The following STAG1 variants were observed in gnomAD, a reference collection of about 807,000 sequenced individuals.
STAG1 encodes the protein cohesin subunit SA-1.
In STAG1, 26 loss-of-function variants were observed where a neutral mutation model predicts 170.9. That is an observed-to-expected ratio of 0.15 (90% confidence interval 0.11 to 0.21). STAG1 has a LOEUF of 0.21. Ranked by LOEUF, STAG1 falls within the 10% of genes least tolerant of loss-of-function variation. The pLI is 1.00. For missense variants in STAG1, 964 were observed against 1,509.5 expected, an observed-to-expected ratio of 0.64 and a Z score of 5.99; for synonymous variants, 514 against 497.7, an observed-to-expected ratio of 1.03 and a Z score of -0.44.
chr3:136,461,410 T>C (rs1481552122), intron 13 of STAG1, among the ~76,000 whole-genome samples: 1 of 152,130 alleles, frequency 6.6e-6, no homozygotes, highest in African/African-American at 2.4e-5. Context: ...GGCATAATCT[T>C]ATATTTAGAA....
intron 1 of STAG1, among the ~76,000 whole-genome samples, chr3:136,703,762 C>A (rs1576786838): frequency 6.6e-6 from 1 of 152,158 alleles, no homozygotes; most frequent in Non-Finnish European, 1.5e-5. Flanking sequence ...GGAATCCCAG[C>A]ACTTTGGGAG....
intron 5 of STAG1, among the ~76,000 whole-genome samples, chr3:136,549,586 C>T (rs1936302205): frequency 6.6e-6 from 1 of 152,096 alleles, no homozygotes; most frequent in Admixed American, 6.6e-5. Flanking sequence ...CAGGCATGAG[C>T]CACCATGCCC....
intron 2 of STAG1, among the ~76,000 whole-genome samples, chr3:136,624,988 A>T (rs1361232357): frequency 2.6e-5 from 4 of 152,170 alleles, no homozygotes; most frequent in Non-Finnish European, 5.9e-5. Flanking sequence ...AAGCTTATAT[A>T]AGTTAACTTT....
chr3:136,552,413 T>C (rs1034331541), intron 5 of STAG1, among the ~76,000 whole-genome samples: 4 of 152,226 alleles, frequency 2.6e-5, no homozygotes, highest in Non-Finnish European at 4.4e-5. Flanking sequence ...ATATTATTTA[T>C]ACAAATCCTT....
In STAG1 at chr3:136,695,686, A is replaced by T. The variant is rs184740199; in HGVS notation, c.-84+56509T>A. Among the ~76,000 whole-genome samples, 49 of 152,292 alleles carry T rather than the reference A, an allele frequency of 3.2e-4. No individual in the cohort carries two copies. In the East Asian group the frequency reaches 9.4e-3, roughly 29 times the overall value. Reference sequence around the variant, plus strand: ...AACAGGAGGGTGAAAGTCCCCATACACAGGAAGGGGAAAATCCCTCATAAA... The same window carrying T: ...AACAGGAGGGTGAAAGTCCCCATACTCAGGAAGGGGAAAATCCCTCATAAA... On this transcript the variant is annotated intron_variant, in intron 1 of 33. Coordinates refer to ENST00000383202, the MANE Select transcript of STAG1 (RefSeq NM_005862.3).
intron 19 of STAG1, among the ~76,000 whole-genome samples, chr3:136,421,978 T>C (rs1194267380): frequency 2.0e-5 from 3 of 151,808 alleles, no homozygotes; most frequent in Non-Finnish European, 2.9e-5. Context: ...TGAAAACCCA[T>C]TTCTACTAAA....
intron 1 of STAG1, among the ~76,000 whole-genome samples, chr3:136,689,199 G>T (rs1942634824): frequency 6.6e-6 from 1 of 152,162 alleles, no homozygotes; most frequent in African/African-American, 2.4e-5. Context: ...CACCTGATAA[G>T]AAAACATACA....
At chr3:136,355,397 G>A (rs975436943) in intron 28 of STAG1, among the ~76,000 whole-genome samples, 24 of 87,688 alleles carry the variant, frequency 2.7e-4, no homozygotes, top group African/African-American at 8.4e-4. Context: ...CACCTAACAA[G>A]AGAGCCCCAA....
chr3:136,395,088 C>T lies in STAG1; in HGVS notation c.2277+3661G>A, dbSNP rs146937634. On this transcript the variant is annotated intron_variant, in intron 22 of 33. Coordinates refer to ENST00000383202, the MANE Select transcript of STAG1 (RefSeq NM_005862.3). ...GACAGTGGGCAACCAGGGTGAGACC[C>T]TGTCTCAAAAATAAAACAAAACAAA... Among the ~76,000 whole-genome samples the T allele has an allele frequency of 6.4e-3, 979 of 151,918 alleles. 12 individuals are homozygous for T. Among genetic ancestry groups the T allele is most frequent in the African/African-American group, 0.022 (930 of 41,418 alleles).
At position 136,641,017 on chromosome 3, in the gene STAG1, C is replaced by T. The variant is rs140573696; in HGVS notation, c.-83-10036G>A. Among the ~76,000 whole-genome samples the T allele has an allele frequency of 6.6e-5, 10 of 152,300 alleles. No homozygotes were observed. The East Asian group carries it at 7.7e-4, about 12-fold the overall frequency. On this transcript the variant is annotated intron_variant, in intron 1 of 33. Transcript: ENST00000383202. ...ATCTGAAAATCTGAAAGATCTTCCA[C>T]ATCTTGAACACTGCTATAATTAGGA...
chr3:136,655,258 G>T (rs1332799654), intron 1 of STAG1, among the ~76,000 whole-genome samples: 1 of 152,152 alleles, frequency 6.6e-6, no homozygotes, highest in African/African-American at 2.4e-5. Context: ...TTAATATCCA[G>T]AACAAATAAC....
chr3:136,345,105 T>A (rs928880349), intron 29 of STAG1, among the ~76,000 whole-genome samples: 2 of 152,044 alleles, frequency 1.3e-5, no homozygotes, highest in Admixed American at 1.3e-4. Context: ...ATATATATAT[T>A]TTTTGAGACA....
chr3:136,550,203 C>T (rs1576596254), intron 5 of STAG1, among the ~76,000 whole-genome samples: 1 of 152,058 alleles, frequency 6.6e-6, no homozygotes, highest in Non-Finnish European at 1.5e-5. Flanking sequence ...AGACTGAGAA[C>T]TGGCATTAAT....
intron 4 of STAG1, among the ~76,000 whole-genome samples, 157 bp downstream of exon 4, chr3:136,604,152 T>G (rs994594167): frequency 1.3e-5 from 2 of 152,138 alleles, no homozygotes; most frequent in African/African-American, 4.8e-5. Context: ...CTGACACTCT[T>G]TGCAAAACAA....
intron 7 of STAG1, among the ~76,000 whole-genome samples, chr3:136,512,682 G>A (rs1934130394): frequency 6.6e-6 from 1 of 151,802 alleles, no homozygotes; most frequent in South Asian, 2.1e-4. Flanking sequence ...CTTCTGCAAA[G>A]AGGCTGAACT....
At chr3:136,363,341 G>T in intron 26 of STAG1, 25 bp downstream of exon 26, 1 of 1,203,604 alleles carries the variant, frequency 8.3e-7, no homozygotes, top group Non-Finnish European at 1.2e-6. Flanking sequence ...TCCATTCTTT[G>T]TCTCCCTCTC....
chr3:136,623,078 A>G (rs960158137), intron 3 of STAG1, 68 bp downstream of exon 3: 5 of 1,350,094 alleles, frequency 3.7e-6, no homozygotes, highest in East Asian at 2.4e-5. Flanking sequence ...CACTAGAATT[A>G]ACAACTCATA....
At chr3:136,579,014 A>T (rs1937537763) in intron 4 of STAG1, among the ~76,000 whole-genome samples, 1 of 152,254 alleles carries the variant, frequency 6.6e-6, no homozygotes, top group African/African-American at 2.4e-5. Flanking sequence ...GCAGAGTTTA[A>T]TCAAAGACTT....
At chr3:136,370,268 A>G (rs998687160) in intron 23 of STAG1, among the ~76,000 whole-genome samples, 5 of 152,254 alleles carry the variant, frequency 3.3e-5, no homozygotes, top group Admixed American at 6.5e-5. Context: ...AGACGTTCCA[A>G]TGAGACATGT....
Sources: gnomAD v4.1 joint callset for allele counts (sites outside exome capture counted in the v4.1 genomes callset) on GRCh38, gnomAD v4.1.1 for gene constraint, MANE v1.5 for transcripts, NCBI Gene and HGNC (gene_info 2026-07-23, HGNC 2026-07-21) for gene names.